Variants in BMAL1 observed in about 807,000 individuals in gnomAD.
BMAL1 encodes the protein basic helix-loop-helix ARNT-like protein 1.
the BMAL1 span, among the ~76,000 whole-genome samples, chr11:13,290,202 A>G: frequency 6.6e-6 from 1 of 152,116 alleles, no homozygotes; most frequent in African/African-American, 2.4e-5. Flanking sequence ...ATGTCTGTTC[A>G]TATCCTTTGG....
the BMAL1 span, among the ~76,000 whole-genome samples, chr11:13,284,518 G>A: frequency 0.014 from 2,173 of 151,558 alleles, 27 homozygotes; most frequent in Non-Finnish European, 0.021. Flanking sequence ...CTCGTCCTGA[G>A]CTCTGCCTTT....
chr11:13,367,708 A>G, the BMAL1 span, among the ~76,000 whole-genome samples: 1 of 141,234 alleles, frequency 7.1e-6, no homozygotes, highest in Admixed American at 6.9e-5. Context: ...CTGTCTCAGA[A>G]AAAAAAAAAA....
chr11:13,378,637 C>A, the BMAL1 span: 1 of 634,010 alleles, frequency 1.6e-6, no homozygotes, highest in Non-Finnish European at 2.6e-6. Context: ...GTAAACAGGA[C>A]AGTTCCCTCC....
At chr11:13,313,794 A>G in the BMAL1 span, among the ~76,000 whole-genome samples, 1 of 152,046 alleles carries the variant, frequency 6.6e-6, no homozygotes, top group East Asian at 1.9e-4. Context: ...GCTCTCCAAG[A>G]GCTCCTCATT....
the BMAL1 span, among the ~76,000 whole-genome samples, chr11:13,289,196 C>G: frequency 6.6e-6 from 1 of 152,134 alleles, no homozygotes; most frequent in Non-Finnish European, 1.5e-5. Flanking sequence ...TGTAAAGTTG[C>G]TTTCTGGCTG....
At chr11:13,381,030 C>A in the BMAL1 span, 1 of 779,170 alleles carries the variant, frequency 1.3e-6, no homozygotes, top group Non-Finnish European at 2.1e-6. Flanking sequence ...AGCCTACTAT[C>A]TGGCCCCTTA....
chr11:13,367,809 CCT>C, the BMAL1 span, among the ~76,000 whole-genome samples: 35 of 151,632 alleles, frequency 2.3e-4, no homozygotes, highest in Admixed American at 5.9e-4. Context: ...AGTTACTTAA[CCT>C]CTCTCTGTCT....
the BMAL1 span, among the ~76,000 whole-genome samples, chr11:13,324,539 C>T: frequency 9.2e-5 from 14 of 152,242 alleles, no homozygotes; most frequent in Non-Finnish European, 1.8e-4. Context: ...TGCCCCCTCT[C>T]CCCGCTGCTT....
At chr11:13,305,635 A>G in the BMAL1 span, among the ~76,000 whole-genome samples, 1 of 152,132 alleles carries the variant, frequency 6.6e-6, no homozygotes, top group African/African-American at 2.4e-5. Flanking sequence ...TTCTAGTCCT[A>G]TGTTGAACAA....
the BMAL1 span, among the ~76,000 whole-genome samples, chr11:13,343,500 C>A: frequency 6.6e-6 from 1 of 152,174 alleles, no homozygotes; most frequent in East Asian, 1.9e-4. Flanking sequence ...GGCTGCTCAG[C>A]GTTCAGGTGG....
chr11:13,381,952 C>T, the BMAL1 span, among the ~76,000 whole-genome samples: 1 of 152,286 alleles, frequency 6.6e-6, no homozygotes, highest in African/African-American at 2.4e-5. Flanking sequence ...ATTTTGGACA[C>T]AATGGCTTCC....
chr11:13,355,277 G>T, the BMAL1 span: 1 of 1,613,896 alleles, frequency 6.2e-7, no homozygotes, highest in Non-Finnish European at 8.5e-7. Context: ...ATGCCCACTA[G>T]GAGATGCTAT....
the BMAL1 span, chr11:13,277,966 A>G: frequency 2.6e-5 from 4 of 150,970 alleles, no homozygotes; most frequent in African/African-American, 4.9e-5. Context: ...GATCCCGCGC[A>G]CCCCGTCGGG....
At chr11:13,385,076 CAAA>C in the BMAL1 span, among the ~76,000 whole-genome samples, 2 of 152,128 alleles carry the variant, frequency 1.3e-5, no homozygotes, top group Admixed American at 1.3e-4. Flanking sequence ...AGATAGGTCT[CAAA>C]GAATGCTCTT....
the BMAL1 span, among the ~76,000 whole-genome samples, chr11:13,287,240 A>G: frequency 6.6e-6 from 1 of 152,236 alleles, no homozygotes; most frequent in Admixed American, 6.5e-5. Flanking sequence ...AAACTTCCCC[A>G]GTGCATTCTA....
the BMAL1 span, among the ~76,000 whole-genome samples, chr11:13,318,618 A>C: frequency 2.0e-4 from 29 of 146,126 alleles, no homozygotes; most frequent in Non-Finnish European, 3.7e-4. Context: ...TCTTTGTTGA[A>C]ATAGGCAAGG....
the BMAL1 span, among the ~76,000 whole-genome samples, chr11:13,329,477 C>A: frequency 6.6e-6 from 1 of 152,196 alleles, no homozygotes; most frequent in Non-Finnish European, 1.5e-5. Flanking sequence ...CTTGAACACT[C>A]ACCCAGTTGG....
At chr11:13,386,799 A>AT in the BMAL1 span, 1 of 1,596,800 alleles carries the variant, frequency 6.3e-7, no homozygotes, top group Non-Finnish European at 8.6e-7. Flanking sequence ...ATCAAAGTGC[A>AT]TTACTGGTGG....
the BMAL1 span, among the ~76,000 whole-genome samples, chr11:13,346,422 A>G: frequency 1.3e-5 from 2 of 152,224 alleles, no homozygotes; most frequent in Non-Finnish European, 2.9e-5. Flanking sequence ...GGATGTGATC[A>G]TCTTCCTGTA....
Sources: gnomAD v4.1 joint callset for allele counts (sites outside exome capture counted in the v4.1 genomes callset) on GRCh38, gnomAD v4.1.1 for gene constraint, MANE v1.5 for transcripts, NCBI Gene and HGNC (gene_info 2026-07-23, HGNC 2026-07-21) for gene names.